Variants in PCSK6 observed in about 807,000 individuals in gnomAD.
PCSK6 encodes the protein proprotein convertase subtilisin/kexin type 6, also known as paired basic amino acid cleaving enzyme 4.
Under a neutral mutation model 123.3 loss-of-function variants are expected in PCSK6, and 85 were observed. The observed-to-expected ratio is 0.69, with a 90% CI of 0.58 to 0.83. The LOEUF is 0.83. PCSK6 is among the 40% of genes least tolerant of loss of function. The probability of loss-of-function intolerance (pLI) is 0.00; values close to 1 mark genes in which losing one functional copy is unlikely to be tolerated. For missense variants in PCSK6, 1,191 were observed against 1,282.3 expected (o/e 0.93, Z 1.09); for synonymous variants, 508 against 516.0 (o/e 0.98, Z 0.21).
rs991082217 is a variant in PCSK6, at chr15:101,347,806, C to T, written c.1859-15775G>A. On this transcript the variant is annotated intron_variant, in intron 13 of 21. Transcript: ENST00000611716. Reference sequence around the variant, plus strand: ...GAAAACAAGGGACTGAAGTGAAGCCCATGGGCTGAAGCTTTATTGGGAGGT... The same window carrying T: ...GAAAACAAGGGACTGAAGTGAAGCCTATGGGCTGAAGCTTTATTGGGAGGT... 3.2e-6 allele frequency: 5 copies of T among 1,587,062 alleles called. No individual in the cohort carries two copies. In the African/African-American group the frequency reaches 4.0e-5, roughly 13 times the overall value.
At chr15:101,343,202 T>A (rs1178372409) in intron 13 of PCSK6, among the ~76,000 whole-genome samples, 1 of 149,006 alleles carries the variant, frequency 6.7e-6, no homozygotes, top group Non-Finnish European at 1.5e-5. Context: ...GTATATAGGA[T>A]CTATAATCAT....
intron 2 of PCSK6, among the ~76,000 whole-genome samples, chr15:101,434,178 A>G (rs1002013188): frequency 1.3e-5 from 2 of 152,202 alleles, no homozygotes; most frequent in Non-Finnish European, 2.9e-5. Flanking sequence ...GCCGCAAACA[A>G]TATTTCATAA....
chr15:101,368,941 C>T lies in PCSK6; in HGVS notation c.1721+1394G>A, dbSNP rs56228028. ...AAAGCTGCAGCTCGTCCGCTGACAC[C>T]GAACTGCTCGTGCCCGTGTGAGACC... On this transcript the variant is annotated intron_variant, in intron 12 of 21. Coordinates refer to ENST00000611716, the MANE Select transcript of PCSK6 (RefSeq NM_002570.5). 9.3e-3 allele frequency among the ~76,000 whole-genome samples: 1,417 copies of T among 152,332 alleles called. 22 individuals carry two copies. Among genetic ancestry groups the T allele is most frequent in the African/African-American group, 0.031 (1,305 of 41,582 alleles).
At chr15:101,408,364 C>T (rs1028297510) in intron 6 of PCSK6, among the ~76,000 whole-genome samples, 3 of 152,234 alleles carry the variant, frequency 2.0e-5, no homozygotes, top group Non-Finnish European at 4.4e-5. Context: ...GAAAGCCCCT[C>T]AGCAGCCCTC....
intron 7 of PCSK6, among the ~76,000 whole-genome samples, chr15:101,393,964 GT>G (rs1414250073): frequency 1.3e-5 from 2 of 152,154 alleles, no homozygotes; most frequent in African/African-American, 4.8e-5. Context: ...TGAACTCTGC[GT>G]GAAGACAGAA....
At chr15:101,408,932 G>C (rs893910526) in intron 6 of PCSK6, among the ~76,000 whole-genome samples, 1 of 152,220 alleles carries the variant, frequency 6.6e-6, no homozygotes, top group Non-Finnish European at 1.5e-5. Context: ...AAAATATGGA[G>C]CAAAAACACC....
chr15:101,328,306 G>A (rs1358870022), intron 15 of PCSK6, among the ~76,000 whole-genome samples: 2 of 152,190 alleles, frequency 1.3e-5, no homozygotes, highest in Non-Finnish European at 1.5e-5. Context: ...AAGAAGATGA[G>A]GGCAGGAGTG....
intron 20 of PCSK6, chr15:101,308,256 C>G (rs2039771486): frequency 6.6e-6 from 1 of 152,382 alleles, no homozygotes; most frequent in African/African-American, 2.4e-5. Flanking sequence ...GCCCACCTCC[C>G]CATTGTTGCC....
intron 13 of PCSK6, among the ~76,000 whole-genome samples, chr15:101,353,440 T>G (rs1052971850): frequency 6.6e-5 from 10 of 152,222 alleles, no homozygotes; most frequent in Non-Finnish European, 1.5e-4. Flanking sequence ...TAACAGTCCA[T>G]GGACCATGGA....
chr15:101,488,553 G>C (rs2058076172), intron 1 of PCSK6, among the ~76,000 whole-genome samples: 1 of 152,156 alleles, frequency 6.6e-6, no homozygotes, highest in Admixed American at 6.5e-5. Flanking sequence ...CAGGCTCTGT[G>C]GCAACGCAGC....
intron 18 of PCSK6, among the ~76,000 whole-genome samples, chr15:101,321,103 G>C (rs1341592623): frequency 6.6e-6 from 1 of 152,206 alleles, no homozygotes; most frequent in Non-Finnish European, 1.5e-5. Flanking sequence ...CCAGCTACCA[G>C]CCTGGGTTGA....
chr15:101,307,321 C>A lies in PCSK6; in HGVS notation c.2704G>T (p.Asp902Tyr), dbSNP rs1411325384. 6.2e-7 allele frequency: 1 copy of A among 1,611,758 alleles called. No homozygotes were observed. The highest frequency in any genetic ancestry group is 1.3e-5 in the African/African-American group (1 of 75,028). ...GLPHKVCRRC[D>Y]ENCLSCAGSS... The stretch of plus-strand genomic sequence containing the variant: ...CCTGCACAGCTCAAGCAGTTCTCGT[C>A]ACACCTGTGGGAAGATACCGTTCCT... Residue 902 changes from aspartate (D) to tyrosine (Y), a missense_variant, in exon 21 of 22, where the codon GAC becomes TAC. Physicochemically the swap from Asp to Tyr is radical, Grantham distance 160 (BLOSUM62 -3). Around this residue, in one of 3 missense-constraint regions of PCSK6, gnomAD observed 630 missense variants for 631.4 expected, o/e 1.00. Coordinates refer to ENST00000611716, the MANE Select transcript of PCSK6 (RefSeq NM_002570.5).
At chr15:101,331,755 C>T in intron 14 of PCSK6, 66 bp from the exon 15 acceptor site, 1 of 1,600,402 alleles carries the variant, frequency 6.2e-7, no homozygotes, top group Non-Finnish European at 8.5e-7. Flanking sequence ...AACCATCAGC[C>T]CCACCTTTGC....
chr15:101,363,637 T>G (rs28485194), intron 13 of PCSK6, among the ~76,000 whole-genome samples: 1 of 135,528 alleles, frequency 7.4e-6, no homozygotes, highest in African/African-American at 3.4e-5. Context: ...TATAACACTT[T>G]TTTTTTTTTT....
chr15:101,368,403 C>A (rs1470711976), intron 12 of PCSK6, among the ~76,000 whole-genome samples: 1 of 152,196 alleles, frequency 6.6e-6, no homozygotes, highest in East Asian at 1.9e-4. Flanking sequence ...ACACTCAAGT[C>A]TTATAACAGT....
intron 11 of PCSK6, among the ~76,000 whole-genome samples, chr15:101,374,023 T>C (rs547806677): frequency 6.6e-6 from 1 of 152,304 alleles, no homozygotes; most frequent in East Asian, 1.9e-4. Context: ...CGGAGTTAAA[T>C]GATCCCGCAA....
At chr15:101,428,064 G>A (rs926157377) in intron 5 of PCSK6, 84 bp from the exon 6 acceptor site, 14 of 1,116,498 alleles carry the variant, frequency 1.3e-5, no homozygotes, top group African/African-American at 3.1e-5. Context: ...AATGCAACAA[G>A]AGAGTCAGTT....
At position 101,362,120 on chromosome 15, in the gene PCSK6, T is replaced by C. The variant is rs574106991; in HGVS notation, c.1858+4076A>G. ...TACAGGTGCCCGCCACCATGCCTGG[T>C]TAACTTTTTGTATTGTTAGTAGAGA... On this transcript the variant is annotated intron_variant, in intron 13 of 21. Coordinates refer to ENST00000611716, the MANE Select transcript of PCSK6 (RefSeq NM_002570.5). Among the ~76,000 whole-genome samples the C allele has an allele frequency of 7.2e-5, 11 of 152,124 alleles. No homozygotes were observed. The East Asian group carries it at 1.9e-3, about 27-fold the overall frequency.
chr15:101,380,252 A>G (rs1227905783), intron 11 of PCSK6, among the ~76,000 whole-genome samples: 1 of 151,890 alleles, frequency 6.6e-6, no homozygotes, highest in Non-Finnish European at 1.5e-5. Context: ...AAAAACAACC[A>G]CTCGCCACCT....
Sources: allele counts gnomAD v4.1 joint callset (sites outside exome capture counted in the v4.1 genomes callset), GRCh38; gene constraint gnomAD v4.1.1; regional missense constraint gnomAD v4.1.1; transcripts MANE v1.5; gene names NCBI Gene and HGNC (gene_info 2026-07-23, HGNC 2026-07-21).